Variants in CREBBP observed in about 807,000 individuals in gnomAD.
CREBBP encodes the protein CREB binding lysine acetyltransferase.
In CREBBP, 19 loss-of-function variants were observed where a neutral mutation model predicts 265.0. The ratio of observed to expected loss-of-function variants is 0.07; its 90% confidence interval spans 0.05 to 0.11. CREBBP has a LOEUF of 0.11. CREBBP is among the 10% of genes least tolerant of loss of function. The pLI is 1.00. For synonymous variants in CREBBP, 1,457 were observed against 1,223.7 expected, an observed-to-expected ratio of 1.19 and a Z score of -3.98; for missense variants, 2,525 against 3,219.0, an observed-to-expected ratio of 0.78 and a Z score of 5.22.
At chr16:3,734,368 C>A (rs974289675) in intron 28 of CREBBP, among the ~76,000 whole-genome samples, 5 of 152,172 alleles carry the variant, frequency 3.3e-5, no homozygotes, top group African/African-American at 1.2e-4. Flanking sequence ...TACATGCCGA[C>A]ACCTCAGCAT....
At chr16:3,879,633 G>A (rs1438984053) in intron 1 of CREBBP, among the ~76,000 whole-genome samples, 199 bp downstream of exon 1, 4 of 152,112 alleles carry the variant, frequency 2.6e-5, no homozygotes, top group East Asian at 1.9e-4. Context: ...TGCACCGGGC[G>A]TGTGCTGACC....
chr16:3,745,841 C>A (rs980354640), intron 21 of CREBBP, among the ~76,000 whole-genome samples: 1 of 152,166 alleles, frequency 6.6e-6, no homozygotes, highest in Non-Finnish European at 1.5e-5. Context: ...CCACGCTAGG[C>A]GCGAGGCACA....
intron 3 of CREBBP, among the ~76,000 whole-genome samples, chr16:3,802,976 G>A (rs760286901): frequency 6.6e-5 from 10 of 152,018 alleles, no homozygotes; most frequent in Non-Finnish European, 1.0e-4. Flanking sequence ...ACCTACAACA[G>A]CTGGGTATGC....
chr16:3,760,575 G>C (rs940537113), intron 16 of CREBBP, among the ~76,000 whole-genome samples: 10 of 149,154 alleles, frequency 6.7e-5, no homozygotes. Flanking sequence ...GCTGATTTTT[G>C]TAATTTTTAG....
rs964409144 is a variant in CREBBP at position 3,834,345 on chromosome 16, A to C, written c.798+15952T>G. Among the ~76,000 whole-genome samples, 11 of 152,354 alleles carry C rather than the reference A, an allele frequency of 7.2e-5. No individual in the cohort carries two copies. The South Asian group carries it at 2.3e-3, about 32-fold the overall frequency. On this transcript the variant is annotated intron_variant, in intron 2 of 30. Transcript: ENST00000262367. ...TTTATTCATAATTGCCAAAACTTGGAAGCAACCATGAAGTCTTTCAGTAGG... is the reference window on the plus strand; with the variant it reads ...TTTATTCATAATTGCCAAAACTTGGCAGCAACCATGAAGTCTTTCAGTAGG...
rs759638164 is a variant in CREBBP at position 3,729,090 on chromosome 16, G to A, written c.5957C>T (p.Thr1986Met). The A allele has an allele frequency of 4.4e-6, 7 of 1,584,432 alleles. No homozygotes were observed. The highest frequency in any genetic ancestry group is 4.0e-5 in the African/African-American group (3 of 74,408). The change falls in exon 31 of 31, where the codon ACG becomes ATG. Residue 1986 changes from threonine to methionine, a missense_variant. Physicochemically the swap from Thr to Met is moderately conservative, Grantham distance 81. Coordinates refer to ENST00000262367, the MANE Select transcript of CREBBP (RefSeq NM_004380.3). ...NINNSMPPGRTGMGTPGSQMA... is the reference protein window; with the variant it reads ...NINNSMPPGRMGMGTPGSQMA... ...CTGGCTCCCCGGGGTCCCCATGCCCGTGCGTCCTGGGGGCATGCTGTTGTT... is the reference window on the plus strand; with the variant it reads ...CTGGCTCCCCGGGGTCCCCATGCCCATGCGTCCTGGGGGCATGCTGTTGTT...
In CREBBP at chr16:3,731,089, C is replaced by T. The variant is rs373892954; in HGVS notation, c.5172+103G>A. On this transcript the variant is annotated intron_variant, in intron 30 of 30. Transcript: ENST00000262367. This position sits in a 1 kb window ranked among gnomAD's most constrained non-coding sequence, Gnocchi z 7.7. ...CTAGTTCTGGAGGAGTCAGTGCAGC[C>T]ACCATCAGGTACAGACACCAACCCG... 12 of 1,226,524 alleles carry T rather than the reference C, an allele frequency of 9.8e-6. No individual in the cohort carries two copies. The East Asian group carries it at 2.8e-4, about 29-fold the overall frequency. The allele number at this position is 1,226,524 out of a possible 1,614,324, so 76.0% of individuals were successfully genotyped here.
At chr16:3,734,812 C>T (rs113049910) in intron 28 of CREBBP, among the ~76,000 whole-genome samples, 6 of 152,304 alleles carry the variant, frequency 3.9e-5, no homozygotes, top group African/African-American at 1.4e-4. Flanking sequence ...CCAGGCCCCA[C>T]GCTCCGCCTA....
At chr16:3,747,739 G>C (rs915465812) in intron 21 of CREBBP, among the ~76,000 whole-genome samples, 7 of 152,064 alleles carry the variant, frequency 4.6e-5, no homozygotes, top group African/African-American at 1.7e-4. Flanking sequence ...GAGGTGGGTG[G>C]ATCACGAGGT....
At chr16:3,736,328 C>A in intron 27 of CREBBP, 125 bp from the exon 28 acceptor site, 1 of 1,024,194 alleles carries the variant, frequency 9.8e-7, no homozygotes, top group South Asian at 1.3e-5. Flanking sequence ...CATGTGTGCC[C>A]CCCCACCACA....
intron 2 of CREBBP, among the ~76,000 whole-genome samples, chr16:3,833,870 T>C (rs1407463400): frequency 6.6e-6 from 1 of 152,156 alleles, no homozygotes; most frequent in African/African-American, 2.4e-5. Flanking sequence ...AGAAAATATG[T>C]GCAAGAAACA....
At chr16:3,764,251 C>T (rs1014195766) in intron 16 of CREBBP, among the ~76,000 whole-genome samples, 2 of 151,268 alleles carry the variant, frequency 1.3e-5, no homozygotes, top group South Asian at 2.1e-4. Flanking sequence ...GGATTATAGG[C>T]ATGAGCCACT....
intron 3 of CREBBP, among the ~76,000 whole-genome samples, chr16:3,804,508 T>C (rs1014879525): frequency 3.3e-5 from 5 of 152,200 alleles, no homozygotes; most frequent in East Asian, 1.9e-4. Context: ...CAGAGACTGA[T>C]GTAGCTCACA....
chr16:3,872,197 G>C (rs1036911016), intron 1 of CREBBP, among the ~76,000 whole-genome samples: 2 of 152,272 alleles, frequency 1.3e-5, no homozygotes, highest in African/African-American at 4.8e-5. Context: ...TTTAAATACA[G>C]CCACAGTCAC....
rs1567360440 is a variant in CREBBP, at chr16:3,849,440, T to TGTGTG, written c.798+852_798+856dup. 7.4e-3 allele frequency among the ~76,000 whole-genome samples: 110 copies of TGTGTG among 14,880 alleles called. 3 individuals are homozygous for TGTGTG. Among genetic ancestry groups the TGTGTG allele is most frequent in the Non-Finnish European group, 0.021 (58 of 2,796 alleles). 9.8% of individuals were successfully genotyped at this position (14,880 alleles called of 152,430 possible). Reference sequence around the variant, plus strand: ...GTGTGTGTGTGTGTGTGTGTGTGTGTGTGTGTGTGTGTGTGTGTGTGTGTG... The same window carrying TGTGTG: ...GTGTGTGTGTGTGTGTGTGTGTGTGTGTGTGGTGTGTGTGTGTGTGTGTGTGTGTG... On this transcript the variant is annotated intron_variant, in intron 2 of 30. Transcript: ENST00000262367.
chr16:3,743,289 T>C (rs2052261745), intron 23 of CREBBP: 1 of 152,374 alleles, frequency 6.6e-6, no homozygotes, highest in East Asian at 1.9e-4. Flanking sequence ...AGTGCCTCAG[T>C]TGAGAAACCG....
intron 14 of CREBBP, among the ~76,000 whole-genome samples, chr16:3,770,289 T>C (rs1472396393): frequency 3.3e-5 from 5 of 152,240 alleles, no homozygotes; most frequent in Middle Eastern, 3.4e-3. Flanking sequence ...TCAAGTGATC[T>C]TCCCACCTAA....
chr16:3,858,904 T>C (rs555306300), intron 1 of CREBBP, among the ~76,000 whole-genome samples: 4 of 152,170 alleles, frequency 2.6e-5, no homozygotes, highest in Non-Finnish European at 4.4e-5. Flanking sequence ...TGAGCAACAG[T>C]AGTGTAAGAA....
At chr16:3,740,186 T>C (rs1328788034) in intron 24 of CREBBP, among the ~76,000 whole-genome samples, 1 of 152,202 alleles carries the variant, frequency 6.6e-6, no homozygotes, top group East Asian at 1.9e-4. Flanking sequence ...TATAATATGG[T>C]ATGTGGTCTC....
Sources: gnomAD v4.1 joint callset for allele counts (sites outside exome capture counted in the v4.1 genomes callset) on GRCh38, gnomAD v4.1.1 for gene constraint, Gnocchi (gnomAD v3.1) non-coding constraint, MANE v1.5 for transcripts, NCBI Gene and HGNC (gene_info 2026-07-23, HGNC 2026-07-21) for gene names.